Variants in PBX1 observed in about 807,000 individuals in gnomAD.
PBX1 encodes the protein PBX homeobox 1.
Under a neutral mutation model 53.4 loss-of-function variants are expected in PBX1, and 6 were observed. That is an observed-to-expected ratio of 0.11 (90% CI 0.06 to 0.22). The LOEUF is 0.22. PBX1 is among the 10% of genes least tolerant of loss of function. The pLI, the probability that PBX1 is intolerant of heterozygous loss-of-function variation, is 1.00. For synonymous variants in PBX1, 204 were observed against 212.3 expected (o/e 0.96, Z 0.34); for missense variants, 251 against 551.4 (o/e 0.46, Z 5.46).
intron 2 of PBX1, among the ~76,000 whole-genome samples, chr1:164,870,255 T>C (rs1353516123): frequency 1.2e-3 from 88 of 71,408 alleles, no homozygotes; most frequent in African/African-American, 5.2e-3. Context: ...CCTTCCTTCC[T>C]TCCTTCCTTC....
intron 2 of PBX1, among the ~76,000 whole-genome samples, chr1:164,667,122 C>T (rs1479483725): frequency 6.6e-6 from 1 of 152,182 alleles, no homozygotes; most frequent in Admixed American, 6.5e-5. Flanking sequence ...CCTACCCAGA[C>T]TGACACTGCT....
At chr1:164,564,288 G>T (rs1024357179) in intron 2 of PBX1, among the ~76,000 whole-genome samples, 3 of 152,056 alleles carry the variant, frequency 2.0e-5, no homozygotes, top group Admixed American at 2.0e-4. Context: ...ACAACAAGGA[G>T]TGTAACAGTC....
At chr1:164,602,708 T>G (rs1380985882) in intron 2 of PBX1, among the ~76,000 whole-genome samples, 1 of 130,724 alleles carries the variant, frequency 7.6e-6, no homozygotes, top group Non-Finnish European at 1.7e-5. Flanking sequence ...CCAAACAGAT[T>G]GAAAAAAAAA....
chr1:164,602,884 C>G (rs1335324823), intron 2 of PBX1, among the ~76,000 whole-genome samples: 1 of 152,152 alleles, frequency 6.6e-6, no homozygotes, highest in Non-Finnish European at 1.5e-5. Context: ...GTGTATGAAG[C>G]GTTAATGAAG....
chr1:164,723,510 A>G (rs1664519903), intron 2 of PBX1, among the ~76,000 whole-genome samples: 1 of 152,212 alleles, frequency 6.6e-6, no homozygotes, highest in African/African-American at 2.4e-5. Context: ...GGAGAGATAG[A>G]TAGATGAATA....
At position 164,616,579 on chromosome 1, in the gene PBX1, A is replaced by G. The variant is rs562213470; in HGVS notation, c.265+53268A>G. On this transcript the variant is annotated intron_variant, in intron 2 of 8. Coordinates refer to ENST00000420696, the MANE Select transcript of PBX1 (RefSeq NM_002585.4). Reference sequence around the variant, plus strand: ...AATGTAGAAATTTTTCTCAAGGACAAAAACCTGACTGAGGCCATCTCAACC... The same window carrying G: ...AATGTAGAAATTTTTCTCAAGGACAGAAACCTGACTGAGGCCATCTCAACC... Among the ~76,000 whole-genome samples the G allele has an allele frequency of 6.6e-4, 100 of 152,316 alleles. 2 individuals are homozygous for G. The South Asian group carries it at 0.017, about 27-fold the overall frequency.
intron 2 of PBX1, among the ~76,000 whole-genome samples, chr1:164,584,658 T>G (rs1654834690): frequency 2.0e-5 from 3 of 152,046 alleles, no homozygotes; most frequent in Admixed American, 2.0e-4. Context: ...ATGGAGTAGA[T>G]GGGGGTGAGG....
intron 2 of PBX1, among the ~76,000 whole-genome samples, chr1:164,674,274 A>G (rs1463650674): frequency 1.3e-5 from 2 of 152,314 alleles, no homozygotes; most frequent in Admixed American, 6.5e-5. Flanking sequence ...TGACTTACAC[A>G]TGGACAAAGA....
intron 2 of PBX1, among the ~76,000 whole-genome samples, chr1:164,864,279 C>CT: frequency 6.6e-6 from 1 of 152,126 alleles, no homozygotes; most frequent in Admixed American, 6.5e-5. Flanking sequence ...GGCCCTAGCC[C>CT]TTCAGCCTCC....
chr1:164,654,387 C>T (rs1221472579), intron 2 of PBX1, among the ~76,000 whole-genome samples: 2 of 152,200 alleles, frequency 1.3e-5, no homozygotes, highest in East Asian at 1.9e-4. Flanking sequence ...GGCAAAACAT[C>T]AGGCCTCAGG....
intron 2 of PBX1, among the ~76,000 whole-genome samples, chr1:164,776,899 T>TTGTGTGTGTGTGTGTG: frequency 1.0e-5 from 1 of 97,164 alleles, no homozygotes; most frequent in African/African-American, 4.2e-5. Context: ...GGTTTTACAT[T>TTGTGTGTGTGTGTGTG]TGTGTGTGTG....
chr1:164,750,143 T>C (rs1337654159), intron 2 of PBX1, among the ~76,000 whole-genome samples: 2 of 124,322 alleles, frequency 1.6e-5, no homozygotes, highest in Non-Finnish European at 3.4e-5. Flanking sequence ...TGGGGGCTAG[T>C]TGGTGTGTGT....
intron 2 of PBX1, among the ~76,000 whole-genome samples, chr1:164,879,242 T>G (rs1462064942): frequency 2.6e-5 from 4 of 152,196 alleles, no homozygotes; most frequent in African/African-American, 7.2e-5. Flanking sequence ...ATTTGCCTGA[T>G]TGGCACAGAA....
rs1395141105 is a variant in PBX1, at chr1:164,821,639, G to A, written c.1200+13G>A. On this transcript the variant is annotated intron_variant, in intron 8 of 8. Coordinates refer to ENST00000420696, the MANE Select transcript of PBX1 (RefSeq NM_002585.4). ...GCAGGGCATCAGTGTAAGAAAACAAGCCCCCCCACCCCCTGCTTTGTTTTT... is the reference window on the plus strand; with the variant it reads ...GCAGGGCATCAGTGTAAGAAAACAAACCCCCCCACCCCCTGCTTTGTTTTT... The A allele has an allele frequency of 5.0e-6, 8 of 1,600,186 alleles. No homozygotes were observed. The African/African-American group carries it at 1.1e-4, about 21-fold the overall frequency.
intron 2 of PBX1, among the ~76,000 whole-genome samples, chr1:164,686,750 A>T (rs894775373): frequency 2.0e-5 from 3 of 151,914 alleles, no homozygotes; most frequent in Non-Finnish European, 4.4e-5. Context: ...CGAGGTCAGG[A>T]GATTGAGACC....
chr1:164,597,813 A>C (rs1236342566), intron 2 of PBX1, among the ~76,000 whole-genome samples: 1 of 152,022 alleles, frequency 6.6e-6, no homozygotes, highest in African/African-American at 2.4e-5. Context: ...TAAATTTTTT[A>C]TTTAAAAATT....
At chr1:164,668,339 G>A (rs991487479) in intron 2 of PBX1, among the ~76,000 whole-genome samples, 3 of 152,236 alleles carry the variant, frequency 2.0e-5, no homozygotes, top group East Asian at 3.9e-4. Flanking sequence ...GATTTGGGGC[G>A]GTGGTTCGAC....
chr1:164,703,934 A>G (rs1349607025), intron 2 of PBX1, among the ~76,000 whole-genome samples: 1 of 152,170 alleles, frequency 6.6e-6, no homozygotes, highest in Non-Finnish European at 1.5e-5. Context: ...CAATTTAACC[A>G]GCCCTGAATT....
At chr1:164,711,449 G>A (rs1663772840) in intron 2 of PBX1, among the ~76,000 whole-genome samples, 1 of 152,146 alleles carries the variant, frequency 6.6e-6, no homozygotes, top group Non-Finnish European at 1.5e-5. Context: ...ATTTTTCATA[G>A]AGACATGGTT....
Sources: allele counts gnomAD v4.1 joint callset (sites outside exome capture counted in the v4.1 genomes callset), GRCh38; gene constraint gnomAD v4.1.1; transcripts MANE v1.5; gene names NCBI Gene and HGNC (gene_info 2026-07-23, HGNC 2026-07-21).